The following MAP2K5 variants were observed in gnomAD, a reference collection of about 807,000 sequenced individuals.
The protein encoded by MAP2K5 is mitogen-activated protein kinase kinase 5.
MAP2K5 carries 49 observed loss-of-function variants against 83.1 expected under a neutral mutation model. That is an observed-to-expected ratio of 0.59 (90% CI 0.47 to 0.75). MAP2K5 has a LOEUF of 0.75. Ranked by LOEUF, MAP2K5 falls within the 30% of genes least tolerant of loss-of-function variation. The pLI is 0.00. For missense variants in MAP2K5, 457 were observed against 557.5 expected, an observed-to-expected ratio of 0.82 and a Z score of 1.82; for synonymous variants, 202 against 191.8, an observed-to-expected ratio of 1.05 and a Z score of -0.44.
At chr15:67,628,063 T>C (rs1344586668) in intron 8 of MAP2K5, 2 of 738,288 alleles carry the variant, frequency 2.7e-6, no homozygotes, top group East Asian at 2.8e-5. Flanking sequence ...GATGCAGCCA[T>C]GAATGCAAGG....
At chr15:67,583,630 G>A (rs540015629) in intron 4 of MAP2K5, among the ~76,000 whole-genome samples, 2 of 152,218 alleles carry the variant, frequency 1.3e-5, no homozygotes, top group Non-Finnish European at 2.9e-5. Flanking sequence ...TATATTTCCT[G>A]TGTCTACCTA....
In MAP2K5 at chr15:67,638,089, T is replaced by G. The variant is rs987643325; in HGVS notation, c.585+7162T>G. Among the ~76,000 whole-genome samples the G allele has an allele frequency of 6.6e-6, 1 of 152,162 alleles. No individual in the cohort carries two copies. Among genetic ancestry groups the G allele is most frequent in the East Asian group, 1.9e-4 (1 of 5,204 alleles). ...TTTAATTTAACTTTTTTAATTTAAC[T>G]TTTAAGGGGTACATGTGCAGGTTTG... On this transcript the variant is annotated intron_variant, in intron 9 of 21. Transcript: ENST00000178640. The surrounding 1 kb of genome is among the most constrained non-coding windows in gnomAD (Gnocchi z 4.5).
intron 12 of MAP2K5, 159 bp downstream of exon 12, chr15:67,658,773 C>G (rs1354704728): frequency 1.5e-6 from 1 of 668,070 alleles, no homozygotes; most frequent in South Asian, 1.5e-5. Flanking sequence ...TTTCATAGAC[C>G]AGCCCACCCA....
chr15:67,769,839 T>C lies in MAP2K5; in HGVS notation c.1196+176T>C. 1 of 588,300 alleles carries C rather than the reference T, an allele frequency of 1.7e-6. No individual in the cohort carries two copies. The highest frequency in any genetic ancestry group is 3.0e-6 in the Non-Finnish European group (1 of 332,406). 36.4% of individuals were successfully genotyped at this position (588,300 alleles called of 1,614,324 possible). On this transcript the variant is annotated intron_variant, in intron 20 of 21. Coordinates refer to ENST00000178640, the MANE Select transcript of MAP2K5 (RefSeq NM_145160.3). This position sits in a 1 kb window ranked among gnomAD's most constrained non-coding sequence, Gnocchi z 5.2. ...GAAATTGTTTAAATTATGTAAACGT[T>C]ATTTACACAAAGGGTCATAAGCATA...
At chr15:67,588,358 A>G (rs2085328694) in intron 6 of MAP2K5, among the ~76,000 whole-genome samples, 1 of 152,098 alleles carries the variant, frequency 6.6e-6, no homozygotes, top group African/African-American at 2.4e-5. Flanking sequence ...ATCTTTGAGG[A>G]CTAAATTATC....
chr15:67,612,286 G>T (rs1171269403), intron 8 of MAP2K5, among the ~76,000 whole-genome samples: 1 of 152,044 alleles, frequency 6.6e-6, no homozygotes, highest in Non-Finnish European at 1.5e-5. Flanking sequence ...AAATGGATTG[G>T]AGAATAACAC....
At chr15:67,592,874 G>A in intron 6 of MAP2K5, 52 bp from the exon 7 acceptor site, 1 of 1,204,432 alleles carries the variant, frequency 8.3e-7, no homozygotes, top group South Asian at 1.3e-5. Flanking sequence ...ATTTTCAGTG[G>A]TGTTCAGAGG....
chr15:67,644,306 A>G lies in MAP2K5; in HGVS notation c.586-1925A>G, dbSNP rs1367675942. On this transcript the variant is annotated intron_variant, in intron 9 of 21. Transcript: ENST00000178640. The surrounding 1 kb of genome is among the most constrained non-coding windows in gnomAD (Gnocchi z 4.6). ...CTACTTGGGAGGCTGAGGCAGGAGA[A>G]TGGCTTGAACCCGGGAGGCGGAGGT... 6.6e-6 allele frequency among the ~76,000 whole-genome samples: 1 copy of G among 152,170 alleles called. No individual in the cohort carries two copies. Among genetic ancestry groups the G allele is most frequent in the Admixed American group, 6.5e-5 (1 of 15,278 alleles).
rs1321554926 is a variant in MAP2K5 at position 67,781,179 on chromosome 15, T to G, written c.1242+8427T>G. The stretch of plus-strand genomic sequence containing the variant: ...GGATCCTAAAGCTAGTCCCTGGGAT[T>G]TGGGAATTGCTGTTGAAGGTAGCAA... On this transcript the variant is annotated intron_variant, in intron 21 of 21. Transcript: ENST00000178640. The surrounding 1 kb of genome is among the most constrained non-coding windows in gnomAD (Gnocchi z 4.0). 1.3e-5 allele frequency among the ~76,000 whole-genome samples: 2 copies of G among 152,202 alleles called. No homozygotes were observed. The highest frequency in any genetic ancestry group is 3.8e-4 in the East Asian group (2 of 5,198).
intron 11 of MAP2K5, among the ~76,000 whole-genome samples, chr15:67,647,914 C>T (rs1327492089): frequency 6.6e-6 from 1 of 151,724 alleles, no homozygotes; most frequent in Non-Finnish European, 1.5e-5. Context: ...GTGGTACGGG[C>T]CTGTAGTCTC....
chr15:67,714,772 T>C (rs2088790631), intron 16 of MAP2K5, among the ~76,000 whole-genome samples: 1 of 152,196 alleles, frequency 6.6e-6, no homozygotes, highest in African/African-American at 2.4e-5. Context: ...GAGCACTAAC[T>C]TGAACCTCAA....
chr15:67,640,215 G>C lies in MAP2K5; in HGVS notation c.586-6016G>C, dbSNP rs2086684251. On this transcript the variant is annotated intron_variant, in intron 9 of 21. Transcript: ENST00000178640. This position sits in a 1 kb window ranked among gnomAD's most constrained non-coding sequence, Gnocchi z 4.6. ...GTGTTCAATACATAATTTGTTGAGTGACTGAGTGAATAAATTTTTGTTCTT... is the reference window on the plus strand; with the variant it reads ...GTGTTCAATACATAATTTGTTGAGTCACTGAGTGAATAAATTTTTGTTCTT... 6.6e-6 allele frequency among the ~76,000 whole-genome samples: 1 copy of C among 152,188 alleles called. No individual in the cohort carries two copies. Among genetic ancestry groups the C allele is most frequent in the Admixed American group, 6.5e-5 (1 of 15,282 alleles).
At chr15:67,626,936 A>G (rs1167896203) in intron 8 of MAP2K5, among the ~76,000 whole-genome samples, 1 of 151,978 alleles carries the variant, frequency 6.6e-6, no homozygotes, top group Non-Finnish European at 1.5e-5. Context: ...TTTTATTATT[A>G]TTTTCTATAT....
rs1367536376 is a variant in MAP2K5 at position 67,572,228 on chromosome 15, A to G, written c.253-8526A>G. Among the ~76,000 whole-genome samples the G allele has an allele frequency of 6.6e-6, 1 of 152,180 alleles. No individual in the cohort carries two copies. The highest frequency in any genetic ancestry group is 1.5e-5 in the Non-Finnish European group (1 of 68,034). Reference sequence around the variant, plus strand: ...AGTCAGTAGGAGCTGCCTGTGATTCAGTCTGTATGGACAGTGACGGGGGAG... The same window carrying G: ...AGTCAGTAGGAGCTGCCTGTGATTCGGTCTGTATGGACAGTGACGGGGGAG... On this transcript the variant is annotated intron_variant, in intron 3 of 21. Transcript: ENST00000178640. The surrounding 1 kb of genome is among the most constrained non-coding windows in gnomAD (Gnocchi z 4.2).
rs886314663 is a variant in MAP2K5 at position 67,783,159 on chromosome 15, C to T, written c.1242+10407C>T. 6.6e-6 allele frequency among the ~76,000 whole-genome samples: 1 copy of T among 152,202 alleles called. No individual in the cohort carries two copies. The highest frequency in any genetic ancestry group is 1.9e-4 in the East Asian group (1 of 5,202). ...TTTATGTCTTAGCATCTGCTCTGTG[C>T]CCAGCATCCTGCCTGACACCGAGGA... On this transcript the variant is annotated intron_variant, in intron 21 of 21. Coordinates refer to ENST00000178640, the MANE Select transcript of MAP2K5 (RefSeq NM_145160.3). This position sits in a 1 kb window ranked among gnomAD's most constrained non-coding sequence, Gnocchi z 5.1.
At chr15:67,682,130 T>C (rs768345657) in intron 13 of MAP2K5, among the ~76,000 whole-genome samples, 33 of 152,202 alleles carry the variant, frequency 2.2e-4, no homozygotes, top group Non-Finnish European at 4.6e-4. Flanking sequence ...GTAATCTTTC[T>C]GCCTAATCTG....
rs2084779100 is a variant in MAP2K5 at position 67,563,456 on chromosome 15, A to C, written c.252+106A>C. 7.2e-7 allele frequency: 1 copy of C among 1,386,356 alleles called. No homozygotes were observed. The highest frequency in any genetic ancestry group is 2.0e-4 in the Middle Eastern group (1 of 5,018). The allele number at this position is 1,386,356 out of a possible 1,614,324, so 85.9% of individuals were successfully genotyped here. On this transcript the variant is annotated intron_variant, in intron 3 of 21. Coordinates refer to ENST00000178640, the MANE Select transcript of MAP2K5 (RefSeq NM_145160.3). This position sits in a 1 kb window ranked among gnomAD's most constrained non-coding sequence, Gnocchi z 4.5. ...AGTAAATAAATCACAGTTGTCATAC[A>C]TTTTTCTATATAATAGGTAAAGGTT... is the stretch of plus-strand genomic sequence containing the variant.
chr15:67,622,235 G>A (rs751426105), intron 8 of MAP2K5, among the ~76,000 whole-genome samples: 24 of 152,118 alleles, frequency 1.6e-4, no homozygotes, highest in Non-Finnish European at 3.2e-4. Flanking sequence ...AAACAATATA[G>A]GACCTGAAGG....
At chr15:67,607,385 G>A (rs932481706) in intron 8 of MAP2K5, among the ~76,000 whole-genome samples, 1 of 152,090 alleles carries the variant, frequency 6.6e-6, no homozygotes, top group Non-Finnish European at 1.5e-5. Flanking sequence ...ATACGATAAT[G>A]TATATTTTAT....
Sources: gnomAD v4.1 joint callset for allele counts (sites outside exome capture counted in the v4.1 genomes callset) on GRCh38, gnomAD v4.1.1 for gene constraint, Gnocchi (gnomAD v3.1) non-coding constraint, MANE v1.5 for transcripts, NCBI Gene and HGNC (gene_info 2026-07-23, HGNC 2026-07-21) for gene names.